The following MB21D2 variants were observed in gnomAD, a reference collection of about 807,000 sequenced individuals.
MB21D2 encodes the protein nucleotidyltransferase MB21D2.
Under a neutral mutation model 33.3 loss-of-function variants are expected in MB21D2, and 9 were observed. That is an observed-to-expected ratio of 0.27 (90% CI 0.16 to 0.47). MB21D2 has a LOEUF of 0.47. Ranked by LOEUF, MB21D2 falls within the 20% of genes least tolerant of loss-of-function variation. The pLI, the probability that MB21D2 is intolerant of heterozygous loss-of-function variation, is 0.99. For synonymous variants in MB21D2, 241 were observed against 236.3 expected, an observed-to-expected ratio of 1.02 and a Z score of -0.18; for missense variants, 540 against 624.6, an observed-to-expected ratio of 0.86 and a Z score of 1.44.
At chr3:192,886,982 T>C (rs1378656678) in intron 1 of MB21D2, among the ~76,000 whole-genome samples, 1 of 147,642 alleles carries the variant, frequency 6.8e-6, no homozygotes. Context: ...AGCTGTAAGT[T>C]AAGGAAAGGA....
chr3:192,883,446 G>A (rs1713650892), intron 1 of MB21D2, among the ~76,000 whole-genome samples: 1 of 152,048 alleles, frequency 6.6e-6, no homozygotes, highest in South Asian at 2.1e-4. Context: ...TTATATTTTA[G>A]GTTAAAAATG....
intron 1 of MB21D2, among the ~76,000 whole-genome samples, chr3:192,816,970 C>T (rs1419384390): frequency 6.6e-6 from 1 of 152,112 alleles, no homozygotes; most frequent in Admixed American, 6.5e-5. Context: ...GTTTCTGGAA[C>T]TTTGCAATCC....
At chr3:192,822,331 A>T (rs1712077833) in intron 1 of MB21D2, among the ~76,000 whole-genome samples, 1 of 152,210 alleles carries the variant, frequency 6.6e-6, no homozygotes, top group Non-Finnish European at 1.5e-5. Flanking sequence ...GTTTCTCCCC[A>T]AAATAAGATT....
At chr3:192,854,154 C>T (rs1712869280) in intron 1 of MB21D2, among the ~76,000 whole-genome samples, 1 of 152,216 alleles carries the variant, frequency 6.6e-6, no homozygotes, top group South Asian at 2.1e-4. Context: ...GAGAGCATGT[C>T]AAAAGCTGAG....
chr3:192,863,363 C>T (rs1380598673), intron 1 of MB21D2, among the ~76,000 whole-genome samples: 3 of 152,300 alleles, frequency 2.0e-5, no homozygotes, highest in African/African-American at 4.8e-5. Context: ...CTAACGCATA[C>T]ACAAACACCC....
intron 1 of MB21D2, among the ~76,000 whole-genome samples, chr3:192,823,616 T>C (rs1260329808): frequency 1.3e-5 from 2 of 152,070 alleles, no homozygotes; most frequent in African/African-American, 2.4e-5. Context: ...GATCACGCCA[T>C]TGTACTCCAG....
At chr3:192,901,255 T>C (rs1269204825) in intron 1 of MB21D2, among the ~76,000 whole-genome samples, 1 of 152,026 alleles carries the variant, frequency 6.6e-6, no homozygotes, top group Non-Finnish European at 1.5e-5. Flanking sequence ...CATAGAGAAA[T>C]GAATGTTTCC....
At chr3:192,910,632 T>C (rs1478548831) in intron 1 of MB21D2, among the ~76,000 whole-genome samples, 2 of 152,234 alleles carry the variant, frequency 1.3e-5, no homozygotes, top group Admixed American at 6.5e-5. Flanking sequence ...AGCATATTGA[T>C]AAATTTACTC....
chr3:192,916,990 T>C (rs140071614), intron 1 of MB21D2, among the ~76,000 whole-genome samples: 1 of 152,302 alleles, frequency 6.6e-6, no homozygotes, highest in Non-Finnish European at 1.5e-5. Context: ...CCGGAAATGC[T>C]TCCGATCGCT....
chr3:192,907,592 A>C (rs1714240673), intron 1 of MB21D2, among the ~76,000 whole-genome samples: 1 of 152,160 alleles, frequency 6.6e-6, no homozygotes, highest in Non-Finnish European at 1.5e-5. Context: ...CCCATCTAGA[A>C]ATGGGGATTA....
At chr3:192,842,773 C>T (rs1285260240) in intron 1 of MB21D2, among the ~76,000 whole-genome samples, 1 of 152,122 alleles carries the variant, frequency 6.6e-6, no homozygotes, top group Non-Finnish European at 1.5e-5. Context: ...CATTCAGATC[C>T]AGGGATTTTT....
intron 1 of MB21D2, among the ~76,000 whole-genome samples, chr3:192,869,948 GA>G (rs1315892252): frequency 6.6e-6 from 1 of 151,876 alleles, no homozygotes; most frequent in African/African-American, 2.4e-5. Flanking sequence ...GCAATTCCAA[GA>G]AAAAAAATAA....
intron 1 of MB21D2, among the ~76,000 whole-genome samples, chr3:192,911,395 C>G (rs1237701291): frequency 6.6e-6 from 1 of 152,180 alleles, no homozygotes; most frequent in Non-Finnish European, 1.5e-5. Flanking sequence ...TTTCCAGGAG[C>G]AGACAGACAT....
intron 1 of MB21D2, among the ~76,000 whole-genome samples, chr3:192,883,564 T>C (rs1713656016): frequency 6.6e-6 from 1 of 152,082 alleles, no homozygotes. Context: ...GGAATATAAA[T>C]CCTTGACAAT....
At chr3:192,804,671 T>C (rs1711625761) in intron 1 of MB21D2, among the ~76,000 whole-genome samples, 1 of 152,186 alleles carries the variant, frequency 6.6e-6, no homozygotes, top group African/African-American at 2.4e-5. Context: ...CAGTGCCTTA[T>C]TCCAGCAGTG....
chr3:192,867,461 CA>C (rs747767289), intron 1 of MB21D2, among the ~76,000 whole-genome samples: 15 of 152,164 alleles, frequency 9.9e-5, no homozygotes, highest in Non-Finnish European at 1.6e-4. Flanking sequence ...TGACACAGAG[CA>C]AAAGGAGAAG....
chr3:192,853,700 T>C (rs977310858), intron 1 of MB21D2, among the ~76,000 whole-genome samples: 3 of 152,216 alleles, frequency 2.0e-5, no homozygotes, highest in Non-Finnish European at 4.4e-5. Context: ...CCTTGTTTGA[T>C]GGTGCATTGC....
At chr3:192,841,717 G>A (rs966291746) in intron 1 of MB21D2, among the ~76,000 whole-genome samples, 4 of 152,322 alleles carry the variant, frequency 2.6e-5, no homozygotes, top group Admixed American at 2.6e-4. Context: ...GAGATAATAT[G>A]TATTTGTTGT....
At chr3:192,852,413 A>G (rs982491299) in intron 1 of MB21D2, among the ~76,000 whole-genome samples, 1 of 152,190 alleles carries the variant, frequency 6.6e-6, no homozygotes, top group African/African-American at 2.4e-5. Context: ...GACAGTCAGT[A>G]AAGTATTCTT....
Sources: allele counts gnomAD v4.1 joint callset (sites outside exome capture counted in the v4.1 genomes callset), GRCh38; gene constraint gnomAD v4.1.1; transcripts MANE v1.5; gene names NCBI Gene and HGNC (gene_info 2026-07-23, HGNC 2026-07-21).